The following COL26A1 variants were observed in gnomAD, a reference collection of about 807,000 sequenced individuals.
COL26A1 encodes collagen type XXVI alpha 1 chain, also known as collagen alpha-1(XXVI) chain.
Under a neutral mutation model 59.3 loss-of-function variants are expected in COL26A1, and 41 were observed. The observed-to-expected ratio is 0.69, with a 90% confidence interval of 0.54 to 0.90. COL26A1 has a LOEUF of 0.90. Among genes scored for constraint, COL26A1 ranks in the 40% least tolerant of loss-of-function variants. The probability of loss-of-function intolerance (pLI) is 0.00; values close to 1 mark genes in which losing one functional copy is unlikely to be tolerated. For missense variants in COL26A1, 612 were observed against 602.3 expected (o/e 1.02, Z -0.17); for synonymous variants, 266 against 256.0 (o/e 1.04, Z -0.37).
intron 3 of COL26A1, among the ~76,000 whole-genome samples, chr7:101,503,306 T>C (rs956620831): frequency 6.6e-6 from 1 of 152,154 alleles, no homozygotes; most frequent in Non-Finnish European, 1.5e-5. Context: ...TAAACAGCAC[T>C]TCTCAAACTG....
Position 101,530,566 on chromosome 7 carries a change from TAAAAAAAAAAAAA to T in COL26A1, c.386-2503_386-2491del, listed in dbSNP as rs558473831. Among the ~76,000 whole-genome samples, 6 of 90,248 alleles carry T rather than the reference TAAAAAAAAAAAAA, an allele frequency of 6.6e-5. 1 individual carries two copies. The highest frequency in any genetic ancestry group is 2.9e-4 in the African/African-American group (6 of 20,950). 59.2% of individuals were successfully genotyped at this position (90,248 alleles called of 152,430 possible). ...GGTGACAAGAGTGAGACTCTGTCTT[TAAAAAAAAAAAAA>T]AAAAAAAAAAAAGCAGGCACTGAAA... On this transcript the variant is annotated intron_variant, in intron 3 of 12. Transcript: ENST00000313669.
chr7:101,451,707 C>CTTTTTTTTTTTTTTTTTTTT lies in COL26A1; in HGVS notation c.385+3937_385+3938insTTTTTTTTTTTTTTTTTTTT, dbSNP rs60481013. Among the ~76,000 whole-genome samples, 2 of 139,162 alleles carry CTTTTTTTTTTTTTTTTTTTT rather than the reference C, an allele frequency of 1.4e-5. 1 individual carries two copies. The highest frequency in any genetic ancestry group is 5.2e-5 in the African/African-American group (2 of 38,142). The allele number at this position is 139,162 out of a possible 152,430, so 91.3% of individuals were successfully genotyped here. On this transcript the variant is annotated intron_variant, in intron 3 of 12. Transcript: ENST00000313669. ...TCTACTGAAAAGAAATCATTTGCAT[C>CTTTTTTTTTTTTTTTTTTTT]TTTTTTTTTTTTTTTTTGACGGAGT...
At position 101,555,775 on chromosome 7, in the gene COL26A1, C is replaced by A. The variant is rs983547203; in HGVS notation, c.1081-12C>A. ...TGGCCGGCCCTGACCCTGCCTGTTT[C>A]CTCCCCGCCAGGGCGAGGGGGTGCA... On this transcript the variant is annotated splice_polypyrimidine_tract_variant and intron_variant, in intron 11 of 12. Coordinates refer to ENST00000313669, the MANE Select transcript of COL26A1 (RefSeq NM_001278563.3). The A allele has an allele frequency of 6.2e-7, 1 of 1,602,154 alleles. No homozygotes were observed. Among genetic ancestry groups the A allele is most frequent in the Non-Finnish European group, 8.5e-7 (1 of 1,175,380 alleles).
intron 3 of COL26A1, among the ~76,000 whole-genome samples, chr7:101,531,078 C>G (rs1795358552): frequency 6.6e-6 from 1 of 151,954 alleles, no homozygotes; most frequent in Non-Finnish European, 1.5e-5. Context: ...TCATGCCAGT[C>G]TCCTGCCTCA....
chr7:101,405,567 C>T (rs1324318809), intron 1 of COL26A1, among the ~76,000 whole-genome samples: 2 of 152,112 alleles, frequency 1.3e-5, no homozygotes, highest in African/African-American at 2.4e-5. Context: ...TCCCTGAATG[C>T]TGATGCTTCC....
At chr7:101,424,030 C>A (rs1792585461) in intron 2 of COL26A1, among the ~76,000 whole-genome samples, 1 of 151,566 alleles carries the variant, frequency 6.6e-6, no homozygotes, top group Non-Finnish European at 1.5e-5. Context: ...ACAGTGAGAC[C>A]CACCCCATTT....
intron 3 of COL26A1, among the ~76,000 whole-genome samples, chr7:101,495,791 A>G (rs536797538): frequency 1.3e-5 from 2 of 150,664 alleles, no homozygotes; most frequent in South Asian, 4.3e-4. Flanking sequence ...GTCCTCACAC[A>G]TAACCAGAAA....
intron 3 of COL26A1, among the ~76,000 whole-genome samples, chr7:101,494,959 C>T (rs1328290148): frequency 6.6e-6 from 1 of 152,186 alleles, no homozygotes; most frequent in African/African-American, 2.4e-5. Flanking sequence ...TCATCTCAGC[C>T]CTGGGCTTCC....
At chr7:101,539,366 T>A (rs1282323304) in intron 4 of COL26A1, among the ~76,000 whole-genome samples, 1 of 151,458 alleles carries the variant, frequency 6.6e-6, no homozygotes, top group Non-Finnish European at 1.5e-5. Flanking sequence ...TTTTTGTAGA[T>A]GTGGTCTCGA....
Position 101,545,409 on chromosome 7 carries a change from G to A in COL26A1, c.775G>A (p.Gly259Ser), listed in dbSNP as rs554126915. ...GCGCCCCGGCCCCCCAGGACCACCC[G>A]GCCCAGCAGGCAACCCAGGCCCCTC... ...MGRPGPPGPP[G>S]PAGNPGPSPN... The change falls in exon 7 of 13, where the codon GGC becomes AGC. Residue 259 changes from glycine (G) to serine (S), a missense_variant. Coordinates refer to ENST00000313669, the MANE Select transcript of COL26A1 (RefSeq NM_001278563.3). The A allele has an allele frequency of 6.8e-6, 11 of 1,606,698 alleles. No homozygotes were observed. Among genetic ancestry groups the A allele is most frequent in the African/African-American group, 4.0e-5 (3 of 74,732 alleles).
chr7:101,492,621 C>A (rs931187693), intron 3 of COL26A1, among the ~76,000 whole-genome samples: 1 of 151,504 alleles, frequency 6.6e-6, no homozygotes, highest in South Asian at 2.1e-4. Context: ...TGCTTGAATC[C>A]CGGAGGTGGA....
At chr7:101,485,453 A>G (rs1398172163) in intron 3 of COL26A1, among the ~76,000 whole-genome samples, 1 of 152,210 alleles carries the variant, frequency 6.6e-6, no homozygotes, top group Admixed American at 6.5e-5. Flanking sequence ...ATGATGCTGC[A>G]GGGGCAACCA....
intron 2 of COL26A1, among the ~76,000 whole-genome samples, chr7:101,428,652 C>T (rs6947345): frequency 0.054 from 8,173 of 151,926 alleles, 400 homozygotes; most frequent in African/African-American, 0.14. Context: ...GTGGTTTTTG[C>T]AGTCTTTTGT....
chr7:101,555,456 C>T (rs1363541027), intron 11 of COL26A1, among the ~76,000 whole-genome samples: 3 of 152,150 alleles, frequency 2.0e-5, no homozygotes, highest in Admixed American at 6.5e-5. Context: ...GGGAAGCTGA[C>T]AGGCAGCTAT....
chr7:101,478,311 T>C (rs1176084974), intron 3 of COL26A1, among the ~76,000 whole-genome samples: 1 of 152,194 alleles, frequency 6.6e-6, no homozygotes, highest in Non-Finnish European at 1.5e-5. Flanking sequence ...ACACAAACCT[T>C]TCTGTGACTT....
intron 3 of COL26A1, among the ~76,000 whole-genome samples, chr7:101,532,438 A>G (rs144733304): frequency 1.3e-5 from 2 of 151,990 alleles, no homozygotes; most frequent in Non-Finnish European, 1.5e-5. Flanking sequence ...GAGTTGGCCA[A>G]CCTGCCCTGT....
chr7:101,553,918 G>T (rs906943832), intron 11 of COL26A1, among the ~76,000 whole-genome samples: 1 of 152,066 alleles, frequency 6.6e-6, no homozygotes, highest in Non-Finnish European at 1.5e-5. Flanking sequence ...GCCAGGGCAC[G>T]GGCTTGGCTG....
At chr7:101,385,519 C>T (rs1038449314) in intron 1 of COL26A1, among the ~76,000 whole-genome samples, 18 of 151,374 alleles carry the variant, frequency 1.2e-4, no homozygotes, top group South Asian at 8.4e-4. Flanking sequence ...CACAGGCATC[C>T]GCCACCATGC....
chr7:101,473,482 T>TC (rs5886187), intron 3 of COL26A1, among the ~76,000 whole-genome samples: 70,354 of 151,258 alleles, frequency 0.47, 16,570 homozygotes, highest in Middle Eastern at 0.5. Flanking sequence ...TCCCACCACC[T>TC]CTAGTTGTGA....
Sources: gnomAD v4.1 joint callset for allele counts (sites outside exome capture counted in the v4.1 genomes callset) on GRCh38, gnomAD v4.1.1 for gene constraint, MANE v1.5 for transcripts, NCBI Gene and HGNC (gene_info 2026-07-23, HGNC 2026-07-21) for gene names.